GLMN: variants seen among roughly 807,000 people sequenced by gnomAD.
GLMN encodes glomulin, FKBP associated protein, also known as glomulin.
A neutral mutation model predicts 87.8 loss-of-function variants in GLMN; 75 were observed. The observed-to-expected ratio is 0.85, with a 90% CI of 0.71 to 1.04. GLMN has a LOEUF of 1.04. Ranked by LOEUF, GLMN falls within the 50% of genes least tolerant of loss-of-function variation. GLMN has a pLI of 0.00. For missense variants in GLMN, 588 were observed against 658.8 expected (o/e 0.89, Z 1.18); for synonymous variants, 206 against 221.6 (o/e 0.93, Z 0.63).
chr1:92,264,279 C>G (rs1329796713), intron 14 of GLMN, among the ~76,000 whole-genome samples: 2 of 152,052 alleles, frequency 1.3e-5, no homozygotes, highest in Non-Finnish European at 2.9e-5. Context: ...TGCCACTGCA[C>G]TCCAAGCTGG....
chr1:92,308,003 T>A, the GLMN span, among the ~76,000 whole-genome samples: 229 of 152,110 alleles, frequency 1.5e-3, no homozygotes, highest in African/African-American at 5.3e-3. Flanking sequence ...TTACTTGTGG[T>A]AAGGTAGGAC....
chr1:92,298,919 A>G lies in GLMN; in HGVS notation c.-31+6T>C, dbSNP rs1313835237. ...CCACCCTGAACCTCTCCACAACTCC[A>G]CTTACCGGCCAGAACCCTCGCCTCT... On this transcript the variant is annotated splice_donor_region_variant and intron_variant, in intron 1 of 18. Transcript: ENST00000370360. 2 of 457,478 alleles carry G rather than the reference A, an allele frequency of 4.4e-6. No individual in the cohort carries two copies. The highest frequency in any genetic ancestry group is 7.8e-6 in the Non-Finnish European group (2 of 257,882). The allele number at this position is 457,478 out of a possible 1,614,324, so 28.3% of individuals were successfully genotyped here.
At chr1:92,293,233 G>A (rs1329736601) in intron 3 of GLMN, among the ~76,000 whole-genome samples, 2 of 152,036 alleles carry the variant, frequency 1.3e-5, no homozygotes, top group Admixed American at 6.5e-5. Context: ...TCAGAGAAAT[G>A]CAAATCAAAA....
At chr1:92,266,515 A>G (rs1655652155) in intron 12 of GLMN, 23 bp from the exon 13 acceptor site, 1 of 1,376,160 alleles carries the variant, frequency 7.3e-7, no homozygotes, top group African/African-American at 1.4e-5. Context: ...AAACAATATT[A>G]TTATATAAAA....
intron 16 of GLMN, among the ~76,000 whole-genome samples, chr1:92,255,431 C>T (rs1654092355): frequency 6.6e-6 from 1 of 152,180 alleles, no homozygotes; most frequent in South Asian, 2.1e-4. Flanking sequence ...ACAGAACTCT[C>T]CACCCCAAAT....
Position 92,277,699 on chromosome 1 carries a change from G to A in GLMN, c.736-6047C>T, listed in dbSNP as rs557829848. The stretch of plus-strand genomic sequence containing the variant: ...TTCAGAAAGCTTCTGGAAGCTGAAC[G>A]CACGAAGTTTCCAGTAGGGTGGTGC... On this transcript the variant is annotated intron_variant, in intron 7 of 18. Coordinates refer to ENST00000370360, the MANE Select transcript of GLMN (RefSeq NM_053274.3). Among the ~76,000 whole-genome samples, 5 of 152,264 alleles carry A rather than the reference G, an allele frequency of 3.3e-5. No individual in the cohort carries two copies. The South Asian group carries it at 8.3e-4, about 25-fold the overall frequency.
chr1:92,290,937 A>G (rs1649334373), intron 4 of GLMN, among the ~76,000 whole-genome samples: 1 of 152,228 alleles, frequency 6.6e-6, no homozygotes, highest in African/African-American at 2.4e-5. Context: ...GTTGTTAGTC[A>G]CAACTGATCT....
chr1:92,367,892 T>G, the GLMN span, among the ~76,000 whole-genome samples: 1 of 152,230 alleles, frequency 6.6e-6, no homozygotes, highest in Admixed American at 6.5e-5. Flanking sequence ...TTATGAACGC[T>G]CAGGAAAATC....
the GLMN span, among the ~76,000 whole-genome samples, chr1:92,363,068 G>A: frequency 6.6e-6 from 1 of 151,924 alleles, no homozygotes; most frequent in Admixed American, 6.6e-5. Flanking sequence ...TCTCCAGGGG[G>A]AAAAAAATGC....
intron 16 of GLMN, among the ~76,000 whole-genome samples, chr1:92,256,706 C>G (rs1050478154): frequency 1.3e-5 from 2 of 152,106 alleles, no homozygotes; most frequent in Admixed American, 6.6e-5. Context: ...ATTCAACAGC[C>G]CTTCATGCTA....
upstream of GLMN, among the ~76,000 whole-genome samples, chr1:92,299,650 AG>A (rs1650654390): frequency 7.2e-5 from 11 of 152,324 alleles, no homozygotes; most frequent in South Asian, 2.1e-3. Flanking sequence ...ATGATACAGA[AG>A]AAAATTCAAT....
intron 3 of GLMN, among the ~76,000 whole-genome samples, chr1:92,292,998 G>A (rs1349612744): frequency 6.6e-6 from 1 of 151,614 alleles, no homozygotes; most frequent in Non-Finnish European, 1.5e-5. Context: ...AACCAGCCTG[G>A]GTGACAGAGA....
At chr1:92,293,236 A>G (rs577963030) in intron 3 of GLMN, among the ~76,000 whole-genome samples, 43 of 152,288 alleles carry the variant, frequency 2.8e-4, no homozygotes, top group African/African-American at 8.9e-4. Flanking sequence ...GAGAAATGCA[A>G]ATCAAAACTA....
chr1:92,367,185 G>T, the GLMN span, among the ~76,000 whole-genome samples: 1 of 152,172 alleles, frequency 6.6e-6, no homozygotes, highest in Non-Finnish European at 1.5e-5. Context: ...GAAAGTGACT[G>T]GATAGGTTGC....
intron 7 of GLMN, among the ~76,000 whole-genome samples, chr1:92,279,721 C>CT (rs1647759722): frequency 6.6e-6 from 1 of 152,222 alleles, no homozygotes; most frequent in East Asian, 1.9e-4. Context: ...CCGTGACAGA[C>CT]TGTTTCTGGA....
chr1:92,333,932 C>T, the GLMN span, among the ~76,000 whole-genome samples: 1 of 152,200 alleles, frequency 6.6e-6, no homozygotes, highest in African/African-American at 2.4e-5. Context: ...TTCAACTCAA[C>T]GTTGCACTTT....
chr1:92,261,175 G>GA (rs149082362), intron 16 of GLMN, among the ~76,000 whole-genome samples: 1 of 152,346 alleles, frequency 6.6e-6, no homozygotes, highest in East Asian at 1.9e-4. Flanking sequence ...GCTCCTTCAG[G>GA]AATCAGGATT....
At chr1:92,370,645 A>G in the GLMN span, among the ~76,000 whole-genome samples, 1 of 152,120 alleles carries the variant, frequency 6.6e-6, no homozygotes. Flanking sequence ...CAGTTTTGTG[A>G]AAAGAGACCA....
intron 7 of GLMN, 152 bp from the exon 8 acceptor site, chr1:92,271,804 A>T: frequency 1.5e-6 from 1 of 647,800 alleles, no homozygotes; most frequent in Non-Finnish European, 2.8e-6. Context: ...CAACCAACAG[A>T]ATGCGCCAAG....
Sources: allele counts gnomAD v4.1 joint callset (sites outside exome capture counted in the v4.1 genomes callset), GRCh38; gene constraint gnomAD v4.1.1; transcripts MANE v1.5; gene names NCBI Gene and HGNC (gene_info 2026-07-23, HGNC 2026-07-21).